Variants in GPR161 observed in about 807,000 individuals in gnomAD.
GPR161 encodes the protein G protein-coupled receptor 161, also known as G-protein coupled receptor RE2.
In GPR161, 25 loss-of-function variants were observed where a neutral mutation model predicts 39.2. The ratio of observed to expected loss-of-function variants is 0.64; its 90% CI spans 0.47 to 0.89. The LOEUF is 0.89. GPR161 is among the 40% of genes least tolerant of loss of function. GPR161 has a pLI of 0.00. For synonymous variants in GPR161, 286 were observed against 276.6 expected, an observed-to-expected ratio of 1.03 and a Z score of -0.34; for missense variants, 547 against 677.8, an observed-to-expected ratio of 0.81 and a Z score of 2.14.
intron 3 of GPR161, 83 bp downstream of exon 3, chr1:168,096,425 C>A (rs1374785615): frequency 7.2e-7 from 1 of 1,392,320 alleles, no homozygotes; most frequent in Non-Finnish European, 9.9e-7. Flanking sequence ...CCTGAGAACT[C>A]ACCCACAAAC....
At chr1:168,090,132 G>C (rs1440165660) in intron 4 of GPR161, among the ~76,000 whole-genome samples, 1 of 152,128 alleles carries the variant, frequency 6.6e-6, no homozygotes, top group Admixed American at 6.5e-5. Flanking sequence ...TCACAGATGG[G>C]GAAAGTTGAG....
intron 2 of GPR161, among the ~76,000 whole-genome samples, chr1:168,100,604 A>G (rs913575104): frequency 1.3e-5 from 2 of 152,198 alleles, no homozygotes; most frequent in African/African-American, 4.8e-5. Flanking sequence ...AAGACCAGCC[A>G]CTTTGACAGC....
In GPR161 at chr1:168,084,739, C is replaced by T. The variant is rs926570391; in HGVS notation, c.*792G>A. ...CTTGGCACTACAGTCCCATTCAGTCCGGTAAAACAGTGGTACGTCTTAAAT... is the reference window on the plus strand; with the variant it reads ...CTTGGCACTACAGTCCCATTCAGTCTGGTAAAACAGTGGTACGTCTTAAAT... On this transcript the variant is annotated 3_prime_UTR_variant, in exon 6 of 6. Transcript: ENST00000682931. 6.8e-6 allele frequency: 3 copies of T among 440,382 alleles called. No individual in the cohort carries two copies. Among genetic ancestry groups the T allele is most frequent in the African/African-American group, 2.0e-5 (1 of 49,092 alleles). The allele number at this position is 440,382 out of a possible 1,614,324, so 27.3% of individuals were successfully genotyped here.
chr1:168,126,444 A>G (rs1698596185), intron 1 of GPR161, among the ~76,000 whole-genome samples: 1 of 151,756 alleles, frequency 6.6e-6, no homozygotes. Context: ...TTCTCATAAT[A>G]CAAGTATTGT....
rs1007191153 is a variant in GPR161, at chr1:168,086,539, C to T, written c.1325-743G>A. ...GGAGGGACCTCCAGCCACTCTCTGCCCTGCCACTCACTCATGGCAGGGGAG... is the reference window on the plus strand; with the variant it reads ...GGAGGGACCTCCAGCCACTCTCTGCTCTGCCACTCACTCATGGCAGGGGAG... On this transcript the variant is annotated intron_variant, in intron 5 of 5. Coordinates refer to ENST00000682931, the MANE Select transcript of GPR161 (RefSeq NM_001375883.1). Among the ~76,000 whole-genome samples the T allele has an allele frequency of 3.3e-4, 50 of 152,178 alleles. 1 individual carries two copies. The highest frequency in any genetic ancestry group is 5.9e-5 in the Non-Finnish European group (4 of 68,018).
chr1:168,117,500 AC>A (rs1045875565), intron 1 of GPR161, among the ~76,000 whole-genome samples: 2 of 151,192 alleles, frequency 1.3e-5, no homozygotes, highest in Non-Finnish European at 3.0e-5. Flanking sequence ...ATGTTACTTA[AC>A]CCCCCCCTGC....
intron 1 of GPR161, among the ~76,000 whole-genome samples, chr1:168,123,202 T>C (rs1445196662): frequency 6.6e-6 from 1 of 152,096 alleles, no homozygotes; most frequent in Non-Finnish European, 1.5e-5. Context: ...TCCCAACACT[T>C]TGGGAGGCCA....
intron 1 of GPR161, among the ~76,000 whole-genome samples, chr1:168,119,197 T>TATATATATATATGTATAC: frequency 8.0e-6 from 1 of 125,040 alleles, no homozygotes; most frequent in East Asian, 2.2e-4. Flanking sequence ...ATCTCCATCA[T>TATATATATATATGTATAC]ATATATATAT....
At chr1:168,102,642 G>A (rs1210047485) in intron 2 of GPR161, among the ~76,000 whole-genome samples, 1 of 152,110 alleles carries the variant, frequency 6.6e-6, no homozygotes, top group East Asian at 1.9e-4. Context: ...CTAGACCCCA[G>A]ATTTAAGCAA....
chr1:168,120,390 T>C lies in GPR161; in HGVS notation c.-44-15496A>G, dbSNP rs1323102834. 5.3e-5 allele frequency among the ~76,000 whole-genome samples: 8 copies of C among 152,288 alleles called. No individual in the cohort carries two copies. In the East Asian group the frequency reaches 9.7e-4, roughly 18 times the overall value. On this transcript the variant is annotated intron_variant, in intron 1 of 5. Coordinates refer to ENST00000682931, the MANE Select transcript of GPR161 (RefSeq NM_001375883.1). ...CATTTACCCAATGCCTGTACCCCCATTGTATTTTGGAAGTAACTAACTTGC... is the reference window on the plus strand; with the variant it reads ...CATTTACCCAATGCCTGTACCCCCACTGTATTTTGGAAGTAACTAACTTGC...
At chr1:168,126,391 G>T (rs1330035137) in intron 1 of GPR161, among the ~76,000 whole-genome samples, 2 of 152,120 alleles carry the variant, frequency 1.3e-5, no homozygotes, top group Non-Finnish European at 2.9e-5. Context: ...CCGGTCTAGG[G>T]TTTGCCTTTT....
Position 168,097,063 on chromosome 1 carries a change from A to G in GPR161, c.544T>C (p.Trp182Arg), listed in dbSNP as rs1695622353. 1 of 1,614,016 alleles carries G rather than the reference A, an allele frequency of 6.2e-7. No individual in the cohort carries two copies. Among genetic ancestry groups the G allele is most frequent in the African/African-American group, 1.3e-5 (1 of 74,908 alleles). The change falls in exon 3 of 6, where the codon TGG becomes CGG. Residue 182 changes from tryptophan (W) to arginine (R), a missense_variant. Transcript: ENST00000682931. ...DEFKWMCVAA[W>R]HREPGYTAFW... ...GCCGTGTAGCCAGGCTCCCGGTGCC[A>G]AGCAGCCACACACATCCATTTGAAC...
intron 1 of GPR161, among the ~76,000 whole-genome samples, chr1:168,132,745 T>C (rs1699098321): frequency 6.6e-6 from 1 of 152,038 alleles, no homozygotes. Context: ...TTGTTGTTGT[T>C]TGTTGGTTGG....
intron 2 of GPR161, 100 bp from the exon 3 acceptor site, chr1:168,097,332 C>T: frequency 1.6e-6 from 2 of 1,249,418 alleles, no homozygotes; most frequent in South Asian, 1.5e-5. Context: ...TTGGATGTTT[C>T]TAAAAGCAGC....
intron 2 of GPR161, among the ~76,000 whole-genome samples, chr1:168,103,427 GAAA>G (rs373919071): frequency 9.4e-5 from 11 of 117,318 alleles, no homozygotes; most frequent in African/African-American, 3.0e-4. Flanking sequence ...ACTACTCAGG[GAAA>G]AAAAAAAAAA....
Position 168,136,597 on chromosome 1 carries a change from G to A in GPR161, c.-45+142C>T, listed in dbSNP as rs1037801670. On this transcript the variant is annotated intron_variant, in intron 1 of 5. Transcript: ENST00000682931. ...CCCTGACCTCCGAGAGGGGCGCGGG[G>A]AGAAAGGGAGCGCCGTGGGGGCGGG... is the stretch of plus-strand genomic sequence containing the variant. The A allele has an allele frequency of 5.7e-6, 7 of 1,233,284 alleles. No homozygotes were observed. In the African/African-American group the frequency reaches 1.1e-4, roughly 19 times the overall value. The allele number at this position is 1,233,284 out of a possible 1,614,324, so 76.4% of individuals were successfully genotyped here.
At chr1:168,089,997 A>G (rs572857231) in intron 4 of GPR161, among the ~76,000 whole-genome samples, 2 of 152,192 alleles carry the variant, frequency 1.3e-5, no homozygotes, top group Admixed American at 6.5e-5. Flanking sequence ...ACATGGAGTG[A>G]GGAGACAAGG....
chr1:168,137,356 C>G, upstream of GPR161: 1 of 1,535,964 alleles, frequency 6.5e-7, no homozygotes, highest in East Asian at 2.4e-5. Flanking sequence ...CCAGTCCCGC[C>G]GTGGACGATC....
At chr1:168,110,855 C>T (rs1459282157) in intron 1 of GPR161, among the ~76,000 whole-genome samples, 7 of 149,456 alleles carry the variant, frequency 4.7e-5, no homozygotes, top group African/African-American at 1.2e-4. Flanking sequence ...ACCCAAGAGG[C>T]GGAGGTTGCA....
Sources: gnomAD v4.1 joint callset for allele counts (sites outside exome capture counted in the v4.1 genomes callset) on GRCh38, gnomAD v4.1.1 for gene constraint, MANE v1.5 for transcripts, NCBI Gene and HGNC (gene_info 2026-07-23, HGNC 2026-07-21) for gene names.